CACNA2D1: variants seen among roughly 807,000 people sequenced by gnomAD.
CACNA2D1 encodes the protein voltage-dependent calcium channel subunit alpha-2/delta-1.
A neutral mutation model predicts 171.5 loss-of-function variants in CACNA2D1; 53 were observed. That is an observed-to-expected ratio of 0.31 (90% confidence interval 0.25 to 0.39). The LOEUF is 0.39. Among genes scored for constraint, CACNA2D1 ranks in the 10% least tolerant of loss-of-function variants. The probability of loss-of-function intolerance (pLI) is 1.00; values close to 1 mark genes in which losing one functional copy is unlikely to be tolerated. For synonymous variants in CACNA2D1, 442 were observed against 443.1 expected, an observed-to-expected ratio of 1.00 and a Z score of 0.03; for missense variants, 903 against 1,299.8, an observed-to-expected ratio of 0.69 and a Z score of 4.69.
At chr7:82,166,878 A>T (rs1462000980) in intron 4 of CACNA2D1, among the ~76,000 whole-genome samples, 1 of 151,996 alleles carries the variant, frequency 6.6e-6, no homozygotes, top group African/African-American at 2.4e-5. Context: ...GCTGAGAGAG[A>T]GTGTGAATTG....
chr7:82,415,688 A>G (rs1390328820), intron 1 of CACNA2D1, among the ~76,000 whole-genome samples: 1 of 151,688 alleles, frequency 6.6e-6, no homozygotes, highest in African/African-American at 2.4e-5. Context: ...CTTTAGCTTA[A>G]TGCACTGCAT....
chr7:82,186,562 C>T (rs946230961), intron 3 of CACNA2D1, among the ~76,000 whole-genome samples: 2 of 152,088 alleles, frequency 1.3e-5, no homozygotes, highest in African/African-American at 4.8e-5. Context: ...CAGAAACACC[C>T]CAGACCTGAC....
At chr7:81,954,951 T>C (rs1793048482) in intron 38 of CACNA2D1, among the ~76,000 whole-genome samples, 1 of 103,126 alleles carries the variant, frequency 9.7e-6, no homozygotes, top group South Asian at 3.3e-4. Context: ...GATAGGTAGG[T>C]AGTAGTATAT....
intron 24 of CACNA2D1, among the ~76,000 whole-genome samples, chr7:81,980,449 T>G (rs1322585551): frequency 6.6e-6 from 1 of 152,134 alleles, no homozygotes; most frequent in East Asian, 1.9e-4. Context: ...GGATGTAGTT[T>G]GATGGTCCAT....
intron 14 of CACNA2D1, among the ~76,000 whole-genome samples, chr7:82,013,094 T>G (rs1799999283): frequency 6.6e-6 from 1 of 152,030 alleles, no homozygotes; most frequent in African/African-American, 2.4e-5. Context: ...GCATAATTAG[T>G]GTTTAATTTT....
At chr7:81,999,156 A>T in intron 18 of CACNA2D1, among the ~76,000 whole-genome samples, 1 of 152,226 alleles carries the variant, frequency 6.6e-6, no homozygotes, top group Non-Finnish European at 1.5e-5. Context: ...AATTGGCAAT[A>T]TGAAGATCAT....
intron 9 of CACNA2D1, among the ~76,000 whole-genome samples, chr7:82,061,204 A>AT (rs1806871082): frequency 6.6e-6 from 1 of 151,976 alleles, no homozygotes; most frequent in African/African-American, 2.4e-5. Context: ...TTCCAAACAT[A>AT]TTTTTCATTC....
At chr7:82,250,992 T>C (rs1470442428) in intron 3 of CACNA2D1, among the ~76,000 whole-genome samples, 5 of 152,178 alleles carry the variant, frequency 3.3e-5, no homozygotes, top group Admixed American at 2.6e-4. Context: ...TATCTATTTA[T>C]TTGAATAAAT....
chr7:82,356,212 T>A (rs1820407011), intron 1 of CACNA2D1, among the ~76,000 whole-genome samples: 1 of 152,122 alleles, frequency 6.6e-6, no homozygotes, highest in South Asian at 2.1e-4. Context: ...TGAGAAAAAC[T>A]AAGAGATGAA....
intron 6 of CACNA2D1, among the ~76,000 whole-genome samples, chr7:82,099,401 TA>T (rs1232743781): frequency 1.4e-5 from 2 of 146,916 alleles, no homozygotes; most frequent in Non-Finnish European, 3.0e-5. Flanking sequence ...TTACATACTC[TA>T]AAACAGGTAG....
At chr7:82,417,464 T>A (rs1828290177) in intron 1 of CACNA2D1, among the ~76,000 whole-genome samples, 1 of 152,216 alleles carries the variant, frequency 6.6e-6, no homozygotes, top group Non-Finnish European at 1.5e-5. Flanking sequence ...CAGGAATTAA[T>A]GAATAAAACT....
chr7:82,399,960 G>A (rs1004205616), intron 1 of CACNA2D1, among the ~76,000 whole-genome samples: 2 of 152,006 alleles, frequency 1.3e-5, no homozygotes, highest in Non-Finnish European at 2.9e-5. Context: ...CCTACCACAG[G>A]CAAGCTACTC....
chr7:82,109,231 T>C (rs1182261300), intron 6 of CACNA2D1, among the ~76,000 whole-genome samples: 1 of 152,132 alleles, frequency 6.6e-6, no homozygotes, highest in Non-Finnish European at 1.5e-5. Flanking sequence ...GAACCCTTTT[T>C]TTTGCAAATT....
intron 20 of CACNA2D1, among the ~76,000 whole-genome samples, chr7:81,992,366 A>G (rs188549988): frequency 4.9e-4 from 75 of 152,234 alleles, no homozygotes; most frequent in Non-Finnish European, 1.0e-3. Flanking sequence ...AGTTGGCAAA[A>G]TATATAATGC....
intron 1 of CACNA2D1, among the ~76,000 whole-genome samples, chr7:82,433,566 T>C (rs950204475): frequency 1.3e-5 from 2 of 152,236 alleles, no homozygotes; most frequent in South Asian, 4.1e-4. Context: ...AAAGTTACTT[T>C]GTAAGACATT....
chr7:82,195,095 T>C (rs879500713), intron 3 of CACNA2D1, among the ~76,000 whole-genome samples: 1 of 152,058 alleles, frequency 6.6e-6, no homozygotes. Context: ...AACTCAATGA[T>C]TCCATTACCA....
chr7:81,981,385 C>A (rs569484346), intron 24 of CACNA2D1, among the ~76,000 whole-genome samples: 4 of 152,262 alleles, frequency 2.6e-5, no homozygotes, highest in African/African-American at 4.8e-5. Context: ...GAAATTCAAG[C>A]AAGAGAAGCT....
At chr7:81,970,635 T>C in intron 27 of CACNA2D1, 40 bp downstream of exon 27, 1 of 1,091,626 alleles carries the variant, frequency 9.2e-7, no homozygotes, top group Non-Finnish European at 1.4e-6. Context: ...GCGCAGTCTT[T>C]TGTAATGTAC....
chr7:82,270,827 C>T (rs2129349718), intron 3 of CACNA2D1, among the ~76,000 whole-genome samples: 1 of 152,254 alleles, frequency 6.6e-6, no homozygotes, highest in South Asian at 2.1e-4. Context: ...TTGGATTTCA[C>T]TCATTGTTTA....
Sources: gnomAD v4.1 joint callset for allele counts (sites outside exome capture counted in the v4.1 genomes callset) on GRCh38, gnomAD v4.1.1 for gene constraint, MANE v1.5 for transcripts, NCBI Gene and HGNC (gene_info 2026-07-23, HGNC 2026-07-21) for gene names.